Variants in ENTPD4 observed in about 807,000 individuals in gnomAD.
ENTPD4 encodes the protein Golgi UDPase.
In ENTPD4, 60 loss-of-function variants were observed where a neutral mutation model predicts 79.1. The ratio of observed to expected loss-of-function variants is 0.76; its 90% CI spans 0.62 to 0.94. ENTPD4 has a LOEUF of 0.94. ENTPD4 is among the 40% of genes least tolerant of loss of function. The pLI, the probability that ENTPD4 is intolerant of heterozygous loss-of-function variation, is 0.00. For missense variants in ENTPD4, 772 were observed against 775.1 expected (o/e 1.00, Z 0.05); for synonymous variants, 276 against 292.0 (o/e 0.95, Z 0.56).
Position 23,435,441 on chromosome 8 carries a change from G to C in ENTPD4, c.1411C>G (p.Arg471Gly), listed in dbSNP as rs368787139. The change falls in exon 11 of 13, where the codon CGC (arginine) becomes GGC (glycine). Residue 471 changes from arginine to glycine, a missense_variant. Transcript: ENST00000358689. ...GAGGCGTACAGTCCTCGGTCAAAGC[G>C]TTCCCGCAAAATGGACCACTTTGTT... is the stretch of plus-strand genomic sequence containing the variant. ...CATKWSILRE[R>G]FDRGLYASHA... 1 of 1,614,048 alleles carries C rather than the reference G, an allele frequency of 6.2e-7. No individual in the cohort carries two copies. The highest frequency in any genetic ancestry group is 2.2e-5 in the East Asian group (1 of 44,882).
Position 23,441,722 on chromosome 8 carries a change from A to G in ENTPD4, c.729T>C (p.Asp243=). ...TGTTAACTTCCACAACGGCCTCATC[A>G]TCTAGAAAGAACAGAAAGTGTTCAC... ...VLGRFEHIED[D]DEAVVEVNIP... Residue 243 remains aspartate (D), a splice_region_variant and synonymous_variant, in exon 8 of 13, where the codon GAT becomes GAC. Coordinates refer to ENST00000358689, the MANE Select transcript of ENTPD4 (RefSeq NM_004901.5). 6.2e-7 allele frequency: 1 copy of G among 1,613,844 alleles called. No individual in the cohort carries two copies. The highest frequency in any genetic ancestry group is 1.1e-5 in the South Asian group (1 of 91,064).
At chr8:23,443,087 TG>T (rs1800702157) in intron 6 of ENTPD4, among the ~76,000 whole-genome samples, 1 of 152,038 alleles carries the variant, frequency 6.6e-6, no homozygotes, top group Non-Finnish European at 1.5e-5. Context: ...ACCCTTCCCA[TG>T]CTCTGGCATG....
intron 4 of ENTPD4, among the ~76,000 whole-genome samples, 186 bp from the exon 5 acceptor site, chr8:23,444,792 C>A (rs1483179297): frequency 6.6e-6 from 1 of 152,194 alleles, no homozygotes; most frequent in African/African-American, 2.4e-5. Context: ...GTGCTATGTC[C>A]TTTTCTTCTT....
Position 23,430,251 on chromosome 8 carries a change from T to C in ENTPD4, c.*2675A>G, listed in dbSNP as rs555353520. The stretch of plus-strand genomic sequence containing the variant: ...GACATCTCCATACGGCATAATGAAC[T>C]CCCTTGAGTGGTCTCTTTTTAAACA... On this transcript the variant is annotated 3_prime_UTR_variant, in exon 13 of 13. Coordinates refer to ENST00000358689, the MANE Select transcript of ENTPD4 (RefSeq NM_004901.5). The C allele has an allele frequency of 1.2e-5, 12 of 985,312 alleles. No individual in the cohort carries two copies. Among genetic ancestry groups the C allele is most frequent in the Non-Finnish European group, 1.4e-5 (12 of 829,942 alleles). 61.0% of individuals were successfully genotyped at this position (985,312 alleles called of 1,614,324 possible).
At chr8:23,451,477 TCG>T (rs1800860423) in intron 1 of ENTPD4, among the ~76,000 whole-genome samples, 1 of 152,182 alleles carries the variant, frequency 6.6e-6, no homozygotes, top group Admixed American at 6.5e-5. Context: ...ACCAGTGACC[TCG>T]CCTTTATCAC....
At position 23,435,376 on chromosome 8, in the gene ENTPD4, A is replaced by C. The variant is rs774550920; in HGVS notation, c.1460+16T>G. 4 of 1,598,256 alleles carry C rather than the reference A, an allele frequency of 2.5e-6. No individual in the cohort carries two copies. The South Asian group carries it at 4.4e-5, about 18-fold the overall frequency. On this transcript the variant is annotated intron_variant, in intron 11 of 12. Coordinates refer to ENST00000358689, the MANE Select transcript of ENTPD4 (RefSeq NM_004901.5). ...GGTTCTTAAGAGTGCCCTGGGCTTGACCTTCTAGTACTTACTTAAGCCTGT... is the reference window on the plus strand; with the variant it reads ...GGTTCTTAAGAGTGCCCTGGGCTTGCCCTTCTAGTACTTACTTAAGCCTGT...
rs1242983049 is a variant in ENTPD4 at position 23,441,739 on chromosome 8, A to G, written c.728-16T>C. 1 of 1,612,954 alleles carries G rather than the reference A, an allele frequency of 6.2e-7. No individual in the cohort carries two copies. Among genetic ancestry groups the G allele is most frequent in the Non-Finnish European group, 8.5e-7 (1 of 1,179,614 alleles). ...GCCTCATCATCTAGAAAGAACAGAA[A>G]GTGTTCACTGGAACAGAACTAATCC... On this transcript the variant is annotated splice_polypyrimidine_tract_variant and intron_variant, in intron 7 of 12. Coordinates refer to ENST00000358689, the MANE Select transcript of ENTPD4 (RefSeq NM_004901.5).
At chr8:23,456,311 T>G (rs1800957248) in intron 1 of ENTPD4, among the ~76,000 whole-genome samples, 1 of 152,232 alleles carries the variant, frequency 6.6e-6, no homozygotes, top group Admixed American at 6.5e-5. Context: ...GCCACCACCG[T>G]GTCCTCCTCT....
Position 23,447,696 on chromosome 8 carries a change from G to T in ENTPD4, c.396C>A (p.Val132=). 6.2e-7 allele frequency: 1 copy of T among 1,613,802 alleles called. No homozygotes were observed. The highest frequency in any genetic ancestry group is 1.1e-5 in the South Asian group (1 of 91,048). ...TTTACATACCCGGTTTTATCTTCAT[G>T]ACCACTGGCTTTCGGTTTTTATCCC... The part of the protein sequence containing the change: ...QMRDKNRKPV[V]MKIKPGISEF... Residue 132 remains valine (V), a synonymous_variant, in exon 4 of 13, where the codon GTC becomes GTA. Coordinates refer to ENST00000358689, the MANE Select transcript of ENTPD4 (RefSeq NM_004901.5).
rs775277385 is a variant in ENTPD4 at position 23,444,623 on chromosome 8, CTTTAG to C, written c.413-22_413-18del. The C allele has an allele frequency of 1.2e-6, 2 of 1,611,202 alleles. No individual in the cohort carries two copies. Among genetic ancestry groups the C allele is most frequent in the Non-Finnish European group, 8.5e-7 (1 of 1,177,616 alleles). The stretch of plus-strand genomic sequence containing the variant: ...CTGAAATGCCTAGAGAAACAGGATA[CTTTAG>C]TTAAGAAGCAGATATTTTAGCTATA... On this transcript the variant is annotated intron_variant, in intron 4 of 12. Coordinates refer to ENST00000358689, the MANE Select transcript of ENTPD4 (RefSeq NM_004901.5).
In ENTPD4 at chr8:23,430,919, C is replaced by A. The variant is rs780606863; in HGVS notation, c.*2007G>T. 218 of 985,308 alleles carry A rather than the reference C, an allele frequency of 2.2e-4. No individual in the cohort carries two copies. The highest frequency in any genetic ancestry group is 2.5e-4 in the Non-Finnish European group (211 of 829,962). The allele number at this position is 985,308 out of a possible 1,614,324, so 61.0% of individuals were successfully genotyped here. ...ACTTATTAGGTAGCCAGAAGCTCAC[C>A]CCTTTCTTAACAACTTTGACCACGA... is the stretch of plus-strand genomic sequence containing the variant. On this transcript the variant is annotated 3_prime_UTR_variant, in exon 13 of 13. Coordinates refer to ENST00000358689, the MANE Select transcript of ENTPD4 (RefSeq NM_004901.5).
chr8:23,454,688 G>C (rs1386301982), intron 1 of ENTPD4, among the ~76,000 whole-genome samples: 2 of 152,090 alleles, frequency 1.3e-5, no homozygotes, highest in African/African-American at 4.8e-5. Flanking sequence ...GAAACTTTGT[G>C]TCATCTGAGG....
Position 23,447,691 on chromosome 8 carries a change from T to A in ENTPD4, c.401A>T (p.Lys134Met), listed in dbSNP as rs367970327. 1 of 1,613,914 alleles carries A rather than the reference T, an allele frequency of 6.2e-7. No individual in the cohort carries two copies. The highest frequency in any genetic ancestry group is 2.2e-5 in the East Asian group (1 of 44,882). Residue 134 changes from lysine to methionine, a missense_variant, in exon 4 of 13, where the codon AAG (lysine) becomes ATG (methionine). By Grantham distance (95) the Lys-to-Met change is moderately conservative. Transcript: ENST00000358689. ...TCTCATTTACATACCCGGTTTTATC[T>A]TCATGACCACTGGCTTTCGGTTTTT... is the stretch of plus-strand genomic sequence containing the variant. ...RDKNRKPVVM[K>M]IKPGISEFAT...
chr8:23,441,538 C>T (rs932745219), intron 8 of ENTPD4, 31 bp downstream of exon 8: 1 of 1,604,130 alleles, frequency 6.2e-7, no homozygotes, highest in African/African-American at 1.3e-5. Context: ...AAAACCAAAC[C>T]AAACAGAAGG....
chr8:23,443,498 C>G (rs1446304673), intron 6 of ENTPD4, among the ~76,000 whole-genome samples: 1 of 152,136 alleles, frequency 6.6e-6, no homozygotes, highest in Non-Finnish European at 1.5e-5. Context: ...TGATATTTCT[C>G]AGTGTATCAA....
intron 6 of ENTPD4, among the ~76,000 whole-genome samples, chr8:23,442,769 C>T (rs1800696035): frequency 6.6e-6 from 1 of 152,132 alleles, no homozygotes; most frequent in Non-Finnish European, 1.5e-5. Flanking sequence ...TTTTCACATT[C>T]CCTACACCTG....
chr8:23,429,386 CTTGG>C lies in ENTPD4; in HGVS notation c.*3536_*3539del. 1.0e-6 allele frequency: 1 copy of C among 985,172 alleles called. No homozygotes were observed. The highest frequency in any genetic ancestry group is 1.2e-6 in the Non-Finnish European group (1 of 829,704). 61.0% of individuals were successfully genotyped at this position (985,172 alleles called of 1,614,324 possible). ...TTTAGTACAGAACAAACAAATTCTC[CTTGG>C]TTGGTCACATCATTCATTATTGAAA... On this transcript the variant is annotated 3_prime_UTR_variant, in exon 13 of 13. Coordinates refer to ENST00000358689, the MANE Select transcript of ENTPD4 (RefSeq NM_004901.5).
intron 10 of ENTPD4, among the ~76,000 whole-genome samples, chr8:23,436,045 G>A (rs1218727034): frequency 6.6e-6 from 1 of 152,196 alleles, no homozygotes; most frequent in African/African-American, 2.4e-5. Flanking sequence ...CTGCTGAGAG[G>A]TGGGAGATGG....
rs139204811 is a variant in ENTPD4 at position 23,441,018 on chromosome 8, G to A, written c.882+551C>T. ...TGAACACAAATGGAGTAATAAAGAC[G>A]TGTAGCAATTCAGAAATACATCTGG... On this transcript the variant is annotated intron_variant, in intron 8 of 12. Coordinates refer to ENST00000358689, the MANE Select transcript of ENTPD4 (RefSeq NM_004901.5). Among the ~76,000 whole-genome samples, 375 of 152,320 alleles carry A rather than the reference G, an allele frequency of 2.5e-3. 2 individuals are homozygous for A. The highest frequency in any genetic ancestry group is 6.2e-4 in the Non-Finnish European group (42 of 68,024).
Sources: allele counts gnomAD v4.1 joint callset (sites outside exome capture counted in the v4.1 genomes callset), GRCh38; gene constraint gnomAD v4.1.1; transcripts MANE v1.5; gene names NCBI Gene and HGNC (gene_info 2026-07-23, HGNC 2026-07-21).